PPP2R2B: variants seen among roughly 807,000 people sequenced by gnomAD.
PPP2R2B encodes protein phosphatase 2 regulatory subunit Bbeta.
Under a neutral mutation model 46.0 loss-of-function variants are expected in PPP2R2B, and 5 were observed. The observed-to-expected ratio is 0.11, with a 90% CI of 0.06 to 0.23. The LOEUF (loss-of-function observed/expected upper bound fraction) is 0.23. Ranked by LOEUF, PPP2R2B falls within the 10% of genes least tolerant of loss-of-function variation. The pLI is 1.00. For synonymous variants in PPP2R2B, 215 were observed against 206.7 expected, an observed-to-expected ratio of 1.04 and a Z score of -0.34; for missense variants, 367 against 575.0, an observed-to-expected ratio of 0.64 and a Z score of 3.70.
Position 146,866,500 on chromosome 5 carries a change from A to G in PPP2R2B, c.70+11502T>C, listed in dbSNP as rs1056416290. Reference sequence around the variant, plus strand: ...AATGAGTGCTTTTTCACCAGATACTATACTAGGAGATGGATAAACAATGGT... The same window carrying G: ...AATGAGTGCTTTTTCACCAGATACTGTACTAGGAGATGGATAAACAATGGT... On this transcript the variant is annotated intron_variant, in intron 2 of 9. Coordinates refer to ENST00000394411, the MANE Select transcript of PPP2R2B (RefSeq NM_181675.4). 7.9e-5 allele frequency among the ~76,000 whole-genome samples: 12 copies of G among 152,266 alleles called. No homozygotes were observed. The East Asian group carries it at 2.3e-3, about 29-fold the overall frequency.
chr5:146,982,099 C>G (rs939549207), intron 1 of PPP2R2B, among the ~76,000 whole-genome samples: 1 of 152,084 alleles, frequency 6.6e-6, no homozygotes, highest in Non-Finnish European at 1.5e-5. Context: ...TTATTTTTTT[C>G]TTCCTCCTTG....
Position 146,966,154 on chromosome 5 carries a change from C to T in PPP2R2B, c.79+89511G>A, listed in dbSNP as rs142304297. On this transcript the variant is annotated intron_variant, in intron 1 of 8. Coordinates refer to the PPP2R2B transcript ENST00000336640. ...GGAAAACCGTAGTTGGTGTTCTTAGCTAATGGTCCTTTGGCTGCCTGCGAT... is the reference window on the plus strand; with the variant it reads ...GGAAAACCGTAGTTGGTGTTCTTAGTTAATGGTCCTTTGGCTGCCTGCGAT... Among the ~76,000 whole-genome samples the T allele has an allele frequency of 3.0e-4, 45 of 152,292 alleles. 1 individual carries two copies. Among genetic ancestry groups the T allele is most frequent in the African/African-American group, 1.0e-3 (43 of 41,568 alleles).
At chr5:147,063,158 G>T (rs1757317778) in intron 2 of PPP2R2B, among the ~76,000 whole-genome samples, 1 of 151,930 alleles carries the variant, frequency 6.6e-6, no homozygotes. Flanking sequence ...AGGGCCAAAA[G>T]AGATGCATAG....
At chr5:146,927,376 G>A (rs961038932) in intron 1 of PPP2R2B, among the ~76,000 whole-genome samples, 1 of 152,008 alleles carries the variant, frequency 6.6e-6, no homozygotes, top group African/African-American at 2.4e-5. Context: ...ACACTTGCTA[G>A]TGGCTCTAGA....
At chr5:146,822,382 T>A (rs1458573510) in intron 2 of PPP2R2B, among the ~76,000 whole-genome samples, 1 of 152,158 alleles carries the variant, frequency 6.6e-6, no homozygotes, top group Non-Finnish European at 1.5e-5. Context: ...CCTGCCTAAC[T>A]CTCATACCAC....
At chr5:146,739,107 C>A (rs1163413109) in intron 2 of PPP2R2B, among the ~76,000 whole-genome samples, 1 of 152,036 alleles carries the variant, frequency 6.6e-6, no homozygotes, top group Non-Finnish European at 1.5e-5. Flanking sequence ...GCAGCCTTGA[C>A]CTCCTGAGCT....
chr5:146,718,537 T>A (rs1780621776), intron 2 of PPP2R2B, among the ~76,000 whole-genome samples: 1 of 152,188 alleles, frequency 6.6e-6, no homozygotes, highest in Admixed American at 6.5e-5. Flanking sequence ...TCATGAAAAT[T>A]TGAAAACCAA....
intron 1 of PPP2R2B, among the ~76,000 whole-genome samples, chr5:146,930,276 A>G (rs964482285): frequency 2.6e-5 from 4 of 152,162 alleles, no homozygotes; most frequent in African/African-American, 9.7e-5. Context: ...GGCAGAAGGA[A>G]CAACAAGGAC....
At chr5:146,826,318 A>T (rs1285858201) in intron 2 of PPP2R2B, among the ~76,000 whole-genome samples, 4 of 152,216 alleles carry the variant, frequency 2.6e-5, no homozygotes, top group Non-Finnish European at 5.9e-5. Context: ...AATCTAAATG[A>T]GTCTTCTAGG....
upstream of PPP2R2B, chr5:146,878,758 G>GCTGCTGCTA (rs1762059985): frequency 2.2e-6 from 3 of 1,333,396 alleles, no homozygotes; most frequent in Admixed American, 6.8e-5. The surrounding 1 kb of genome is among the most constrained non-coding windows in gnomAD (Gnocchi z 4.5). Context: ...TGCTGCTGCT[G>GCTGCTGCTA]CAGGAGGCTG....
At chr5:146,811,557 A>ATTTTT (rs1178978309) in intron 2 of PPP2R2B, among the ~76,000 whole-genome samples, 6 of 95,722 alleles carry the variant, frequency 6.3e-5, no homozygotes, top group Admixed American at 1.2e-4. Flanking sequence ...TCAACTATGT[A>ATTTTT]TTTTTTTTTT....
At chr5:146,841,190 A>G (rs757795893) in intron 2 of PPP2R2B, among the ~76,000 whole-genome samples, 1 of 152,216 alleles carries the variant, frequency 6.6e-6, no homozygotes, top group Non-Finnish European at 1.5e-5. Context: ...GAAGCCAGCT[A>G]TAATAATGCC....
intron 5 of PPP2R2B, among the ~76,000 whole-genome samples, chr5:146,676,337 G>T (rs1410451012): frequency 1.3e-5 from 2 of 151,976 alleles, no homozygotes; most frequent in East Asian, 3.9e-4. Context: ...AAGACCTATG[G>T]TGCCCAGCAT....
At chr5:146,731,756 C>T (rs1581974226) in intron 2 of PPP2R2B, among the ~76,000 whole-genome samples, 1 of 152,310 alleles carries the variant, frequency 6.6e-6, no homozygotes, top group East Asian at 1.9e-4. Context: ...CACTGCCTGA[C>T]ATCTGATAAA....
chr5:147,055,560 A>G (rs1757044015), intron 1 of PPP2R2B: 2 of 971,186 alleles, frequency 2.1e-6, no homozygotes, highest in Non-Finnish European at 3.2e-6. Context: ...CAGGAATGAC[A>G]GTCACCTAGT....
intron 1 of PPP2R2B, among the ~76,000 whole-genome samples, chr5:146,974,514 T>C (rs2151850534): frequency 6.6e-6 from 1 of 152,248 alleles, no homozygotes; most frequent in Middle Eastern, 3.4e-3. Context: ...TCTGTACAAC[T>C]CAGGCAACTG....
At chr5:146,688,375 C>G (rs985219462) in intron 5 of PPP2R2B, among the ~76,000 whole-genome samples, 1 of 151,622 alleles carries the variant, frequency 6.6e-6, no homozygotes, top group African/African-American at 2.4e-5. Context: ...GTCCAGTGAC[C>G]GCAGACCCCC....
chr5:146,772,471 C>T (rs1754929321), intron 2 of PPP2R2B, among the ~76,000 whole-genome samples: 1 of 141,416 alleles, frequency 7.1e-6, no homozygotes, highest in South Asian at 2.3e-4. Context: ...AGAATGAGAC[C>T]CACCAAATTG....
chr5:146,766,114 A>T (rs114091749), intron 2 of PPP2R2B, among the ~76,000 whole-genome samples: 3,471 of 152,310 alleles, frequency 0.023, 124 homozygotes, highest in African/African-American at 0.079. Context: ...AAAAGCCCTC[A>T]TTATACTTTC....
Sources: gnomAD v4.1 joint callset for allele counts (sites outside exome capture counted in the v4.1 genomes callset) on GRCh38, gnomAD v4.1.1 for gene constraint, Gnocchi (gnomAD v3.1) non-coding constraint, MANE v1.5 for transcripts, NCBI Gene and HGNC (gene_info 2026-07-23, HGNC 2026-07-21) for gene names.